The following PRMT7 variants were observed in gnomAD, a reference collection of about 807,000 sequenced individuals.
PRMT7 encodes the protein protein arginine methyltransferase 7, also known as protein arginine N-methyltransferase 7.
Under a neutral mutation model 85.4 loss-of-function variants are expected in PRMT7, and 75 were observed. The observed-to-expected ratio is 0.88, with a 90% CI of 0.73 to 1.06. PRMT7 has a LOEUF of 1.06. Ranked by LOEUF, PRMT7 falls within the 50% of genes least tolerant of loss-of-function variation. The pLI is 0.00. For synonymous variants in PRMT7, 397 were observed against 359.5 expected (o/e 1.10, Z -1.18); for missense variants, 868 against 915.2 (o/e 0.95, Z 0.67).
At chr16:68,360,449 ACT>A (rs2089189389), downstream of PRMT7, 1 of 152,160 alleles carries the variant, frequency 6.6e-6, no homozygotes, top group African/African-American at 2.4e-5. Flanking sequence ...AGCCTGCCAG[ACT>A]CTGTTGTGCC....
chr16:68,317,180 G>A (rs2863977), intron 3 of PRMT7, among the ~76,000 whole-genome samples: 90,562 of 147,338 alleles, frequency 0.61, 28,115 homozygotes, highest in East Asian at 0.78. Flanking sequence ...GGAGGTTGCA[G>A]TGAGCCAAGG....
rs373736673 is a variant in PRMT7, at chr16:68,358,355, G to T, written c.*1131G>T. The T allele has an allele frequency of 6.5e-6, 1 of 152,808 alleles. No homozygotes were observed. Among genetic ancestry groups the T allele is most frequent in the South Asian group, 2.1e-4 (1 of 4,828 alleles). 9.5% of individuals were successfully genotyped at this position (152,808 alleles called of 1,614,324 possible). ...AGCCTCACAGTTTTATTTTCTCCTCGTTATCCATCCTTCCTTTCAGCACCA... is the reference window on the plus strand; with the variant it reads ...AGCCTCACAGTTTTATTTTCTCCTCTTTATCCATCCTTCCTTTCAGCACCA... On this transcript the variant is annotated 3_prime_UTR_variant, in exon 19 of 19. Coordinates refer to ENST00000441236, the MANE Select transcript of PRMT7 (RefSeq NM_019023.5).
intron 7 of PRMT7, 136 bp from the exon 8 acceptor site, chr16:68,339,186 C>G: frequency 8.8e-7 from 1 of 1,135,868 alleles, no homozygotes; most frequent in East Asian, 2.5e-5. Flanking sequence ...AAACAGTTCA[C>G]TATTCTAATA....
intron 3 of PRMT7, 113 bp downstream of exon 3, chr16:68,316,187 A>G: frequency 1.1e-6 from 1 of 923,350 alleles, no homozygotes; most frequent in Non-Finnish European, 1.7e-6. Flanking sequence ...GCTTATGATG[A>G]GGGCTGGTGT....
chr16:68,355,366 C>A (rs1366511265), intron 16 of PRMT7: 1 of 185,914 alleles, frequency 5.4e-6, no homozygotes, highest in Non-Finnish European at 1.1e-5. Flanking sequence ...TTATCCCTCC[C>A]TGTGGCCCGG....
chr16:68,331,819 T>C (rs2083952372), intron 6 of PRMT7, among the ~76,000 whole-genome samples: 1 of 152,200 alleles, frequency 6.6e-6, no homozygotes, highest in South Asian at 2.1e-4. Flanking sequence ...TTCCACTTGA[T>C]TCTTTTTCAT....
intron 9 of PRMT7, among the ~76,000 whole-genome samples, chr16:68,343,180 G>C (rs1461538325): frequency 6.6e-6 from 1 of 151,880 alleles, no homozygotes; most frequent in Non-Finnish European, 1.5e-5. Flanking sequence ...CTCCAGCCTG[G>C]GCAACAAGAG....
chr16:68,311,271 G>T, intron 1 of PRMT7, 172 bp downstream of exon 1: 1 of 408,344 alleles, frequency 2.4e-6, no homozygotes, highest in Non-Finnish European at 4.6e-6. Flanking sequence ...GGGGTTCTAG[G>T]CTGGCCCCGG....
chr16:68,316,194 G>T (rs1308541091), intron 3 of PRMT7, 120 bp downstream of exon 3: 20 of 868,532 alleles, frequency 2.3e-5, no homozygotes, highest in Non-Finnish European at 3.8e-5. Context: ...ATGAGGGCTG[G>T]TGTTGGTCCT....
Position 68,352,248 on chromosome 16 carries a change from GTCTC to G in PRMT7, c.1419_1422del (p.Leu474SerfsTer36). The G allele has an allele frequency of 1.9e-6, 3 of 1,612,864 alleles. No individual in the cohort carries two copies. On this transcript the variant is annotated frameshift_variant and splice_region_variant, in exon 15 of 19. Coordinates refer to ENST00000441236, the MANE Select transcript of PRMT7 (RefSeq NM_019023.5). LOFTEE classifies it high-confidence loss of function. ...GCCCTGCTTCTCGCCCATTCACCAG[GTCTC>G]TCTCCTCCTGGGCGAGCCGTTCTTC...
chr16:68,353,222 C>T (rs781475354), intron 15 of PRMT7, among the ~76,000 whole-genome samples: 5 of 152,108 alleles, frequency 3.3e-5, no homozygotes, highest in Non-Finnish European at 7.4e-5. Flanking sequence ...CAGGATGGCC[C>T]GGATAGGAGT....
chr16:68,325,819 G>A (rs1332141906), intron 5 of PRMT7, among the ~76,000 whole-genome samples: 1 of 151,998 alleles, frequency 6.6e-6, no homozygotes, highest in African/African-American at 2.4e-5. Flanking sequence ...AAAACCTTAT[G>A]CCTAGTCCCC....
chr16:68,337,520 C>G lies in PRMT7; in HGVS notation c.453C>G (p.Ile151Met), dbSNP rs771868763. ...LVTELFDTELIGEGALPSYEH... is the reference protein window; with the variant it reads ...LVTELFDTELMGEGALPSYEH... ...CAGAGTTGTTTGACACAGAGCTGAT[C>G]GGGGAGGGGGCGCTGCCCTCCTATG... Residue 151 changes from isoleucine (I) to methionine (M), a missense_variant, in exon 7 of 19, where the codon ATC becomes ATG. Coordinates refer to ENST00000441236, the MANE Select transcript of PRMT7 (RefSeq NM_019023.5). 1 of 1,611,968 alleles carries G rather than the reference C, an allele frequency of 6.2e-7. No homozygotes were observed. Among genetic ancestry groups the G allele is most frequent in the Non-Finnish European group, 8.5e-7 (1 of 1,178,602 alleles).
In PRMT7 at chr16:68,324,665, C is replaced by A. The variant is rs771503121; in HGVS notation, c.133-18C>A. On this transcript the variant is annotated intron_variant, in intron 4 of 18. Coordinates refer to ENST00000441236, the MANE Select transcript of PRMT7 (RefSeq NM_019023.5). ...ACTTATAATAACTGGTAGTAAGTGA[C>A]GGCCATGTCTTCCTTAGAATGTAAA... 6.2e-7 allele frequency: 1 copy of A among 1,613,632 alleles called. No individual in the cohort carries two copies. Among genetic ancestry groups the A allele is most frequent in the Non-Finnish European group, 8.5e-7 (1 of 1,179,512 alleles).
intron 2 of PRMT7, among the ~76,000 whole-genome samples, chr16:68,314,982 G>A (rs1362360831): frequency 6.6e-6 from 1 of 151,948 alleles, no homozygotes; most frequent in Non-Finnish European, 1.5e-5. Context: ...TGAAGCATAA[G>A]GAATGCTAGT....
rs889939951 is a variant in PRMT7, at chr16:68,357,306, C to T, written c.*82C>T. The stretch of plus-strand genomic sequence containing the variant: ...TCTAGCGGGGAAGGCTGAAGGCCCT[C>T]CTCTCCTCTCTGGGAGCTGCTCGGC... On this transcript the variant is annotated 3_prime_UTR_variant, in exon 19 of 19. Coordinates refer to ENST00000441236, the MANE Select transcript of PRMT7 (RefSeq NM_019023.5). 11 of 1,414,292 alleles carry T rather than the reference C, an allele frequency of 7.8e-6. 1 individual carries two copies. The Admixed American group carries it at 1.6e-4, about 20-fold the overall frequency. 87.6% of individuals were successfully genotyped at this position (1,414,292 alleles called of 1,614,324 possible). A position where few individuals can be genotyped will look rare whatever the true frequency, so the allele number is the denominator to read the frequency against.
chr16:68,315,731 A>G, intron 2 of PRMT7, 166 bp from the exon 3 acceptor site: 1 of 477,108 alleles, frequency 2.1e-6, no homozygotes, highest in South Asian at 2.2e-5. Context: ...TACAATATCG[A>G]TTAACAAATA....
At position 68,320,651 on chromosome 16, in the gene PRMT7, C is replaced by T. The variant is rs112663232; in HGVS notation, c.96-775C>T. Among the ~76,000 whole-genome samples, 477 of 152,298 alleles carry T rather than the reference C, an allele frequency of 3.1e-3. 5 individuals are homozygous for T. Among genetic ancestry groups the T allele is most frequent in the African/African-American group, 0.011 (451 of 41,558 alleles). On this transcript the variant is annotated intron_variant, in intron 3 of 18. Coordinates refer to ENST00000441236, the MANE Select transcript of PRMT7 (RefSeq NM_019023.5). ...CATCAACGAGCATGTCACAGTGCTGCAGAGATTTGTTTATGACCAGTTTTG... is the reference window on the plus strand; with the variant it reads ...CATCAACGAGCATGTCACAGTGCTGTAGAGATTTGTTTATGACCAGTTTTG...
At position 68,353,558 on chromosome 16, in the gene PRMT7, A is replaced by C; in HGVS notation, c.1642A>C (p.Met548Leu). ...CTTCGACGTGCACATCATGGACGAC[A>C]TGATTAAGGTAGGCAGGGCCACACT... is the stretch of plus-strand genomic sequence containing the variant. ...EGFDVHIMDD[M>L]IKRALDFRES... The change falls in exon 16 of 19, where the codon ATG (methionine) becomes CTG (leucine). Residue 548 changes from methionine to leucine, a missense_variant. Transcript: ENST00000441236. The C allele has an allele frequency of 1.3e-6, 2 of 1,582,070 alleles. No individual in the cohort carries two copies. The highest frequency in any genetic ancestry group is 1.7e-6 in the Non-Finnish European group (2 of 1,164,938).
Sources: gnomAD v4.1 joint callset for allele counts (sites outside exome capture counted in the v4.1 genomes callset) on GRCh38, gnomAD v4.1.1 for gene constraint, MANE v1.5 for transcripts, NCBI Gene and HGNC (gene_info 2026-07-23, HGNC 2026-07-21) for gene names.